SNAPC1: variants seen among roughly 807,000 people sequenced by gnomAD.
SNAPC1 encodes snRNA-activating protein complex subunit 1.
In SNAPC1, 42 loss-of-function variants were observed where a neutral mutation model predicts 50.1. That is an observed-to-expected ratio of 0.84 (90% CI 0.65 to 1.08). SNAPC1 has a LOEUF of 1.08. Among genes scored for constraint, SNAPC1 ranks in the 50% least tolerant of loss-of-function variants. The pLI is 0.00. For missense variants in SNAPC1, 477 were observed against 427.3 expected (o/e 1.12, Z -1.02); for synonymous variants, 164 against 144.2 (o/e 1.14, Z -0.98).
At chr14:61,772,849 G>T (rs542026045) in intron 4 of SNAPC1, among the ~76,000 whole-genome samples, 1 of 152,212 alleles carries the variant, frequency 6.6e-6, no homozygotes, top group Non-Finnish European at 1.5e-5. Context: ...GTATCAGAAG[G>T]GTCAAGCTAT....
At chr14:61,780,301 C>T (rs931002458) in intron 7 of SNAPC1, among the ~76,000 whole-genome samples, 1 of 152,210 alleles carries the variant, frequency 6.6e-6, no homozygotes, top group Non-Finnish European at 1.5e-5. Flanking sequence ...CCTTCCTCAC[C>T]TACACCAGTT....
chr14:61,794,999 T>TC lies in SNAPC1; in HGVS notation c.*16_*17insC. The TC allele has an allele frequency of 6.5e-7, 1 of 1,544,570 alleles. No individual in the cohort carries two copies. Among genetic ancestry groups the TC allele is most frequent in the Non-Finnish European group, 8.8e-7 (1 of 1,142,358 alleles). Reference sequence around the variant, plus strand: ...AAAACACTGAACAAAGAGCCTGGTGTAGTTTTTAATTTTGAGTTTTCTGAC... The same window carrying TC: ...AAAACACTGAACAAAGAGCCTGGTGTCAGTTTTTAATTTTGAGTTTTCTGAC... On this transcript the variant is annotated 3_prime_UTR_variant, in exon 10 of 10. Coordinates refer to ENST00000216294, the MANE Select transcript of SNAPC1 (RefSeq NM_003082.4).
chr14:61,763,235 C>T (rs1054052781), intron 1 of SNAPC1, among the ~76,000 whole-genome samples: 1 of 151,394 alleles, frequency 6.6e-6, no homozygotes, highest in African/African-American at 2.4e-5. Flanking sequence ...TCGTGACCCG[C>T]CCGCCTCGGC....
chr14:61,768,622 G>C lies in SNAPC1; in HGVS notation c.430-14G>C, dbSNP rs145322507. The C allele has an allele frequency of 7.4e-7, 1 of 1,345,468 alleles. No individual in the cohort carries two copies. The highest frequency in any genetic ancestry group is 2.3e-5 in the East Asian group (1 of 43,558). 83.3% of individuals were successfully genotyped at this position (1,345,468 alleles called of 1,614,324 possible). On this transcript the variant is annotated splice_polypyrimidine_tract_variant and intron_variant, in intron 3 of 9. Transcript: ENST00000216294. ...AAAAGATACTCATTTAAAAAGACAC[G>C]TATTATCACATAGCTGTCATATAGG...
intron 8 of SNAPC1, among the ~76,000 whole-genome samples, chr14:61,784,886 CAGAA>C (rs980307839): frequency 1.3e-4 from 19 of 151,910 alleles, no homozygotes; most frequent in African/African-American, 4.1e-4. Flanking sequence ...GATATGACAT[CAGAA>C]AGAGAGACTA....
chr14:61,793,898 C>T (rs778715007), intron 9 of SNAPC1, among the ~76,000 whole-genome samples: 32 of 152,100 alleles, frequency 2.1e-4, no homozygotes, highest in African/African-American at 5.8e-4. Context: ...TTAAGTGATC[C>T]GCTTGCCTTG....
At chr14:61,787,669 C>T (rs902747696) in intron 8 of SNAPC1, among the ~76,000 whole-genome samples, 1 of 152,204 alleles carries the variant, frequency 6.6e-6, no homozygotes, top group Admixed American at 6.5e-5. Context: ...TGAAGTACTG[C>T]CGCTGGGATT....
At chr14:61,783,485 C>T (rs1234555798) in intron 8 of SNAPC1, among the ~76,000 whole-genome samples, 1 of 141,388 alleles carries the variant, frequency 7.1e-6, no homozygotes. Context: ...TACCTTTCTT[C>T]TTAAGGAAAT....
intron 8 of SNAPC1, among the ~76,000 whole-genome samples, chr14:61,785,561 C>A (rs2045109835): frequency 6.6e-6 from 1 of 152,160 alleles, no homozygotes; most frequent in Non-Finnish European, 1.5e-5. Context: ...TGTGATACAA[C>A]CTCAGGAAGT....
chr14:61,775,736 T>A lies in SNAPC1; in HGVS notation c.535-359T>A, dbSNP rs118049985. Among the ~76,000 whole-genome samples, 74 of 150,584 alleles carry A rather than the reference T, an allele frequency of 4.9e-4. 1 individual carries two copies. In the East Asian group the frequency reaches 0.013, roughly 26 times the overall value. ...TGTGACAATATGATATAAAAATATC[T>A]TAGTTATCAGTAGTGATATTTAATG... On this transcript the variant is annotated intron_variant, in intron 4 of 9. Coordinates refer to ENST00000216294, the MANE Select transcript of SNAPC1 (RefSeq NM_003082.4).
At position 61,767,236 on chromosome 14, in the gene SNAPC1, G is replaced by T. The variant is rs1226874640; in HGVS notation, c.313G>T (p.Asp105Tyr). The change falls in exon 3 of 10, where the codon GAT becomes TAT. Residue 105 changes from aspartate to tyrosine, a missense_variant. By Grantham distance (160) the Asp-to-Tyr change is radical. Coordinates refer to ENST00000216294, the MANE Select transcript of SNAPC1 (RefSeq NM_003082.4). ...QKIRVALKDW[D>Y]EVLKFQQDLV... ...GATCAGAGTTGCCCTGAAGGATTGG[G>T]ATGAAGTTTTAAAATTTCAGCAAGA... 1 of 1,509,862 alleles carries T rather than the reference G, an allele frequency of 6.6e-7. No individual in the cohort carries two copies. The highest frequency in any genetic ancestry group is 2.1e-5 in the Admixed American group (1 of 47,096). 93.5% of individuals were successfully genotyped at this position (1,509,862 alleles called of 1,614,324 possible).
chr14:61,783,017 A>ATTTTTTT (rs767793462), intron 8 of SNAPC1, among the ~76,000 whole-genome samples: 7 of 115,268 alleles, frequency 6.1e-5, no homozygotes, highest in Admixed American at 1.8e-4. Flanking sequence ...TTTCCAGTGC[A>ATTTTTTT]TTTTTTTTTT....
intron 8 of SNAPC1, 84 bp from the exon 9 acceptor site, chr14:61,792,723 A>G (rs2045161505): frequency 2.7e-6 from 2 of 728,954 alleles, no homozygotes; most frequent in South Asian, 2.2e-5. Context: ...TTATGCTGTA[A>G]TAATGACAGT....
At chr14:61,785,503 G>T (rs1234450813) in intron 8 of SNAPC1, among the ~76,000 whole-genome samples, 1 of 152,206 alleles carries the variant, frequency 6.6e-6, no homozygotes, top group Non-Finnish European at 1.5e-5. Flanking sequence ...TCTGAGACAG[G>T]TCTCAGTTGA....
intron 8 of SNAPC1, among the ~76,000 whole-genome samples, chr14:61,788,149 A>G (rs144190049): frequency 1.8e-4 from 28 of 152,330 alleles, no homozygotes; most frequent in African/African-American, 6.5e-4. Context: ...GAGATTTGTT[A>G]ATGAATTTTC....
intron 4 of SNAPC1, 113 bp downstream of exon 4, chr14:61,768,853 C>T (rs1396776701): frequency 1.8e-6 from 1 of 569,756 alleles, no homozygotes; most frequent in African/African-American, 1.9e-5. Flanking sequence ...ATTTTAACCA[C>T]TCTAGGATGC....
At chr14:61,772,246 G>T (rs1258356939) in intron 4 of SNAPC1, among the ~76,000 whole-genome samples, 1 of 152,008 alleles carries the variant, frequency 6.6e-6, no homozygotes, top group Non-Finnish European at 1.5e-5. Context: ...TCACCACCAT[G>T]CTGGCTAATT....
Position 61,778,827 on chromosome 14 carries a change from TCC to T in SNAPC1, c.763-20_763-19del. ...ATGTTTGTGTGTTTTAACTTTTTTT[TCC>T]TTCTTATTTTACATCCAGAGATGTG... On this transcript the variant is annotated intron_variant, in intron 6 of 9. Coordinates refer to ENST00000216294, the MANE Select transcript of SNAPC1 (RefSeq NM_003082.4). 1 of 1,508,582 alleles carries T rather than the reference TCC, an allele frequency of 6.6e-7. No individual in the cohort carries two copies. Among genetic ancestry groups the T allele is most frequent in the Non-Finnish European group, 9.0e-7 (1 of 1,107,858 alleles). 93.4% of individuals were successfully genotyped at this position (1,508,582 alleles called of 1,614,324 possible).
chr14:61,771,248 T>C (rs2140176560), intron 4 of SNAPC1, among the ~76,000 whole-genome samples: 1 of 152,362 alleles, frequency 6.6e-6, no homozygotes, highest in East Asian at 1.9e-4. Context: ...AATAAGTGTT[T>C]TTAAACATTT....
Sources: allele counts gnomAD v4.1 joint callset (sites outside exome capture counted in the v4.1 genomes callset), GRCh38; gene constraint gnomAD v4.1.1; transcripts MANE v1.5; gene names NCBI Gene and HGNC (gene_info 2026-07-23, HGNC 2026-07-21).